The following UMAD1 variants were observed in gnomAD, a reference collection of about 807,000 sequenced individuals.
UMAD1 encodes the protein UBAP1-MVB12-associated (UMA)-domain containing protein 1.
A neutral mutation model predicts 6.1 loss-of-function variants in UMAD1; 8 were observed. That is an observed-to-expected ratio of 1.30 (90% confidence interval 0.76 to 2.35). UMAD1 has a LOEUF of 2.35. Among genes scored for constraint, UMAD1 ranks in the 30% most tolerant of loss-of-function variants. The pLI, the probability that UMAD1 is intolerant of heterozygous loss-of-function variation, is 0.00. For synonymous variants in UMAD1, 56 were observed against 31.4 expected (o/e 1.78, Z -2.61); for missense variants, 130 against 78.4 (o/e 1.66, Z -2.49).
chr7:7,829,775 T>G (rs1195064292), intron 3 of UMAD1, among the ~76,000 whole-genome samples: 1 of 152,152 alleles, frequency 6.6e-6, no homozygotes, highest in Non-Finnish European at 1.5e-5. Flanking sequence ...AGTAAAACAT[T>G]AGAAAAAGCA....
chr7:7,667,917 T>C (rs1563102684), intron 1 of UMAD1, among the ~76,000 whole-genome samples: 1 of 152,120 alleles, frequency 6.6e-6, no homozygotes. Context: ...TTAACCTAGT[T>C]TTTCACTTCA....
At chr7:7,684,425 T>C (rs1009420876) in intron 2 of UMAD1, among the ~76,000 whole-genome samples, 1 of 152,022 alleles carries the variant, frequency 6.6e-6, no homozygotes, top group Non-Finnish European at 1.5e-5. Context: ...GCCAGGCTGG[T>C]CTTGAACTTC....
At chr7:7,810,024 A>G (rs1165244672) in intron 3 of UMAD1, among the ~76,000 whole-genome samples, 1 of 152,058 alleles carries the variant, frequency 6.6e-6, no homozygotes, top group Non-Finnish European at 1.5e-5. Flanking sequence ...GACTCAAAGT[A>G]TAGAAAAAAG....
intron 2 of UMAD1, among the ~76,000 whole-genome samples, chr7:7,774,271 A>T (rs569126434): frequency 6.6e-6 from 1 of 152,236 alleles, no homozygotes; most frequent in South Asian, 2.1e-4. Flanking sequence ...AACAATTAAG[A>T]AACTGAGGCA....
intron 3 of UMAD1, among the ~76,000 whole-genome samples, chr7:7,810,514 TA>T (rs1783001380): frequency 6.6e-6 from 1 of 152,116 alleles, no homozygotes; most frequent in Non-Finnish European, 1.5e-5. Context: ...TAATTTTAGT[TA>T]AAAATGCAAT....
At chr7:7,766,396 C>G (rs918769107) in intron 2 of UMAD1, among the ~76,000 whole-genome samples, 2 of 152,142 alleles carry the variant, frequency 1.3e-5, no homozygotes, top group African/African-American at 4.8e-5. Context: ...AGGTTTCAAA[C>G]TCCGTAGTGA....
chr7:7,859,258 A>C (rs1784072195), intron 3 of UMAD1, among the ~76,000 whole-genome samples: 1 of 152,220 alleles, frequency 6.6e-6, no homozygotes, highest in Non-Finnish European at 1.5e-5. Flanking sequence ...ACTTCTTAAT[A>C]ATTATAAAGA....
rs1030962251 is a variant in UMAD1 at position 7,745,050 on chromosome 7, T to G, written c.83-56620T>G. ...AGTCTATTAGCACATACTTTATATA[T>G]GTTTTATATACTATATTCTTACCAT... On this transcript the variant is annotated intron_variant, in intron 2 of 3. Transcript: ENST00000682710. Among the ~76,000 whole-genome samples the G allele has an allele frequency of 2.6e-5, 4 of 152,224 alleles. No homozygotes were observed. In the South Asian group the frequency reaches 8.3e-4, roughly 32 times the overall value.
chr7:7,699,159 C>A (rs113853974), intron 2 of UMAD1, among the ~76,000 whole-genome samples: 4 of 152,002 alleles, frequency 2.6e-5, no homozygotes, highest in African/African-American at 9.6e-5. Flanking sequence ...TGGCTGGGTT[C>A]CCCCAACTCT....
chr7:7,708,563 ATT>A (rs1780666433), intron 2 of UMAD1, among the ~76,000 whole-genome samples: 1 of 152,206 alleles, frequency 6.6e-6, no homozygotes, highest in Non-Finnish European at 1.5e-5. Context: ...AACTTGAAAC[ATT>A]GAAAGGAAAC....
At chr7:7,670,636 G>C (rs1002114131) in intron 1 of UMAD1, among the ~76,000 whole-genome samples, 1 of 152,142 alleles carries the variant, frequency 6.6e-6, no homozygotes, top group African/African-American at 2.4e-5. Context: ...AAAGTTCAGT[G>C]CCTCTGGCTG....
intron 3 of UMAD1, among the ~76,000 whole-genome samples, chr7:7,854,398 C>T (rs1478890252): frequency 6.9e-6 from 1 of 145,260 alleles, no homozygotes; most frequent in Admixed American, 6.9e-5. Context: ...ATTTAATTGA[C>T]TCACAGTTCC....
chr7:7,649,736 TTG>T (rs71543837), intron 1 of UMAD1, among the ~76,000 whole-genome samples: 100,711 of 151,432 alleles, frequency 0.67, 33,956 homozygotes, highest in East Asian at 0.88. Flanking sequence ...GTCCGAATGT[TTG>T]TCTCTCTCCC....
chr7:7,877,107 T>G (rs757656688), intron 3 of UMAD1, among the ~76,000 whole-genome samples, 174 bp from the exon 4 acceptor site: 5 of 152,196 alleles, frequency 3.3e-5, no homozygotes, highest in Non-Finnish European at 7.3e-5. Context: ...TTTTAAAGCC[T>G]AACAGAGATT....
At chr7:7,759,667 T>G (rs1781845073) in intron 2 of UMAD1, among the ~76,000 whole-genome samples, 1 of 152,108 alleles carries the variant, frequency 6.6e-6, no homozygotes, top group African/African-American at 2.4e-5. Flanking sequence ...GAAGGAGTCT[T>G]GGAGGAAGGG....
At chr7:7,646,209 G>A (rs998711744) in intron 1 of UMAD1, among the ~76,000 whole-genome samples, 1 of 152,186 alleles carries the variant, frequency 6.6e-6, no homozygotes, top group African/African-American at 2.4e-5. Context: ...TAGCATCGAG[G>A]AGGAATCAGG....
intron 3 of UMAD1, among the ~76,000 whole-genome samples, chr7:7,816,765 C>G (rs1339751834): frequency 6.6e-6 from 1 of 152,194 alleles, no homozygotes; most frequent in East Asian, 1.9e-4. Context: ...CCTCTGGCTA[C>G]CTTGCTTATC....
intron 3 of UMAD1, among the ~76,000 whole-genome samples, chr7:7,822,177 A>G (rs749826278): frequency 3.3e-5 from 5 of 151,996 alleles, no homozygotes; most frequent in Non-Finnish European, 7.4e-5. Flanking sequence ...AAAATTTTTG[A>G]TGTATGTATT....
chr7:7,680,111 T>G (rs1447672173), intron 2 of UMAD1, among the ~76,000 whole-genome samples: 2 of 152,156 alleles, frequency 1.3e-5, no homozygotes, highest in African/African-American at 4.8e-5. Context: ...CAAGAAATCT[T>G]TGTTCAGATT....
Sources: allele counts gnomAD v4.1 joint callset (sites outside exome capture counted in the v4.1 genomes callset), GRCh38; gene constraint gnomAD v4.1.1; transcripts MANE v1.5; gene names NCBI Gene and HGNC (gene_info 2026-07-23, HGNC 2026-07-21).